The following POLR3G variants were observed in gnomAD, a reference collection of about 807,000 sequenced individuals.
POLR3G encodes the protein DNA-directed RNA polymerase III subunit RPC7.
In POLR3G, 28 loss-of-function variants were observed where a neutral mutation model predicts 30.1. The ratio of observed to expected loss-of-function variants is 0.93; its 90% CI spans 0.69 to 1.27. The LOEUF is 1.27. Among genes scored for constraint, POLR3G ranks in the 50% most tolerant of loss-of-function variants. POLR3G has a pLI of 0.00. For synonymous variants in POLR3G, 79 were observed against 82.5 expected (o/e 0.96, Z 0.23); for missense variants, 254 against 264.6 (o/e 0.96, Z 0.28).
Position 90,512,106 on chromosome 5 carries a change from C to G in POLR3G, c.639C>G (p.Asp213Glu). 1 of 1,609,170 alleles carries G rather than the reference C, an allele frequency of 6.2e-7. No homozygotes were observed. The part of the protein sequence containing the change: ...YFEDGDDFGA[D>E]SDDNMDEATY ...AAGATGGAGATGATTTTGGCGCAGACAGTGATGACAACATGGATGAGGCAA... is the reference window on the plus strand; with the variant it reads ...AAGATGGAGATGATTTTGGCGCAGAGAGTGATGACAACATGGATGAGGCAA... The change falls in exon 8 of 8, where the codon GAC becomes GAG. Residue 213 changes from aspartate to glutamate, a missense_variant. Coordinates refer to ENST00000651687, the MANE Select transcript of POLR3G (RefSeq NM_006467.3).
At chr5:90,478,566 G>GTTTTTTTTTTTTTTTTTTTTTTTTT (rs1561245449) in intron 1 of POLR3G, among the ~76,000 whole-genome samples, 1 of 31,044 alleles carries the variant, frequency 3.2e-5, no homozygotes. Context: ...AATCTGCGTG[G>GTTTTTTTTTTTTTTTTTTTTTTTTT]TTCTTTTTTT....
intron 7 of POLR3G, among the ~76,000 whole-genome samples, chr5:90,508,326 CCT>C (rs1482025679): frequency 6.6e-6 from 1 of 150,522 alleles, no homozygotes; most frequent in Non-Finnish European, 1.5e-5. Context: ...CCTTCCTCCT[CCT>C]CTTTTTTTTT....
chr5:90,498,433 C>A (rs1371299543), intron 5 of POLR3G, among the ~76,000 whole-genome samples: 1 of 152,072 alleles, frequency 6.6e-6, no homozygotes, highest in Non-Finnish European at 1.5e-5. Flanking sequence ...CCTCCCCTCC[C>A]GACTTTAGTA....
intron 7 of POLR3G, among the ~76,000 whole-genome samples, chr5:90,509,607 T>C (rs1370537436): frequency 6.6e-6 from 1 of 152,130 alleles, no homozygotes; most frequent in African/African-American, 2.4e-5. Context: ...AAGAAGACAA[T>C]TTAGGTGATC....
chr5:90,475,960 C>T (rs1273898117), intron 1 of POLR3G, among the ~76,000 whole-genome samples: 2 of 152,138 alleles, frequency 1.3e-5, no homozygotes, highest in Admixed American at 6.5e-5. Flanking sequence ...ATCCGCCTGC[C>T]TCGGCCTCCC....
intron 7 of POLR3G, 121 bp from the exon 8 acceptor site, chr5:90,511,932 A>G: frequency 1.5e-6 from 1 of 673,332 alleles, no homozygotes; most frequent in South Asian, 1.9e-5. Flanking sequence ...GGCACAGGTA[A>G]ACACAAGTGA....
chr5:90,477,462 G>A (rs1750891474), intron 1 of POLR3G, among the ~76,000 whole-genome samples: 1 of 152,088 alleles, frequency 6.6e-6, no homozygotes, highest in African/African-American at 2.4e-5. Context: ...GAGATGAGAG[G>A]GTCTGAACTG....
intron 2 of POLR3G, 29 bp downstream of exon 2, chr5:90,485,713 A>G: frequency 2.0e-6 from 3 of 1,504,170 alleles, no homozygotes; most frequent in Non-Finnish European, 2.8e-6. Flanking sequence ...GAATTCTCAT[A>G]GTGTGTTTTT....
chr5:90,487,378 ATTTTT>A (rs59951999), intron 2 of POLR3G, among the ~76,000 whole-genome samples: 1 of 57,018 alleles, frequency 1.8e-5, no homozygotes, highest in African/African-American at 7.9e-5. Flanking sequence ...TGGTACATTA[ATTTTT>A]TTTTTTTTTT....
At chr5:90,502,125 G>C in intron 6 of POLR3G, 137 bp downstream of exon 6, 4 of 1,448,780 alleles carry the variant, frequency 2.8e-6, no homozygotes, top group Non-Finnish European at 3.6e-6. Flanking sequence ...CAACATATAA[G>C]GTAACTGGGA....
At chr5:90,478,569 C>CTTTTTTTTTTTTT (rs773881344) in intron 1 of POLR3G, among the ~76,000 whole-genome samples, 18,403 of 78,142 alleles carry the variant, frequency 0.24, 5,286 homozygotes, top group Admixed American at 0.27. Flanking sequence ...CTGCGTGGTT[C>CTTTTTTTTTTTTT]TTTTTTTTTT....
rs772000933 is a variant in POLR3G at position 90,506,620 on chromosome 5, CGAT to C, written c.534_536del (p.Asp181del). On this transcript the variant is annotated inframe_deletion, in exon 7 of 8. Transcript: ENST00000651687. Reference sequence around the variant, plus strand: ...AGAAAAGTAAAGAAGGTGATGATGACGATGACGATGATGCCGCAGAACAGGAGG... The same window carrying C: ...AGAAAAGTAAAGAAGGTGATGATGACGACGATGATGCCGCAGAACAGGAGG... The C allele has an allele frequency of 1.9e-6, 3 of 1,612,406 alleles. No individual in the cohort carries two copies. The highest frequency in any genetic ancestry group is 2.2e-5 in the South Asian group (2 of 90,800).
intron 2 of POLR3G, among the ~76,000 whole-genome samples, chr5:90,486,119 CT>C (rs1751428101): frequency 6.6e-6 from 1 of 152,074 alleles, no homozygotes; most frequent in Admixed American, 6.5e-5. Context: ...CCCCACTGAA[CT>C]TTTTTTGCTT....
chr5:90,496,516 G>C (rs1752004935), intron 4 of POLR3G, among the ~76,000 whole-genome samples: 1 of 152,190 alleles, frequency 6.6e-6, no homozygotes, highest in African/African-American at 2.4e-5. Flanking sequence ...TTCTTCAAAA[G>C]AACCATATCC....
chr5:90,474,303 G>C (rs749731528), upstream of POLR3G: 5 of 1,610,918 alleles, frequency 3.1e-6, no homozygotes, highest in Non-Finnish European at 4.2e-6. Flanking sequence ...GCTGGGCAGG[G>C]GTGCAGCCAG....
chr5:90,483,437 C>T (rs1296010452), intron 1 of POLR3G, among the ~76,000 whole-genome samples: 1 of 152,158 alleles, frequency 6.6e-6, no homozygotes, highest in Non-Finnish European at 1.5e-5. Context: ...TGTTTCATTA[C>T]ATAAAGATGT....
chr5:90,485,941 T>G (rs1203808217), intron 2 of POLR3G, among the ~76,000 whole-genome samples: 4 of 152,248 alleles, frequency 2.6e-5, no homozygotes, highest in African/African-American at 4.8e-5. Flanking sequence ...TTCTTACAAC[T>G]TGTATTGGTG....
intron 3 of POLR3G, among the ~76,000 whole-genome samples, chr5:90,492,016 A>G (rs1242435409): frequency 6.6e-6 from 1 of 152,218 alleles, no homozygotes; most frequent in East Asian, 1.9e-4. Context: ...GAAAATTTCA[A>G]AAATTTTTAA....
intron 1 of POLR3G, among the ~76,000 whole-genome samples, chr5:90,477,724 C>T (rs987969228): frequency 1.3e-5 from 2 of 152,066 alleles, no homozygotes; most frequent in Non-Finnish European, 1.5e-5. Context: ...AGGTTCTTGG[C>T]GTCTTGAACA....
Sources: gnomAD v4.1 joint callset for allele counts (sites outside exome capture counted in the v4.1 genomes callset) on GRCh38, gnomAD v4.1.1 for gene constraint, MANE v1.5 for transcripts, NCBI Gene and HGNC (gene_info 2026-07-23, HGNC 2026-07-21) for gene names.